Variants in NTRK1 observed in about 807,000 individuals in gnomAD.
NTRK1 encodes high affinity nerve growth factor receptor.
Under a neutral mutation model 86.8 loss-of-function variants are expected in NTRK1, and 62 were observed. That is an observed-to-expected ratio of 0.71 (90% CI 0.58 to 0.88). The LOEUF (loss-of-function observed/expected upper bound fraction) is 0.88. NTRK1 is among the 40% of genes least tolerant of loss of function. NTRK1 has a pLI of 0.00. For missense variants in NTRK1, 967 were observed against 1,078.4 expected, an observed-to-expected ratio of 0.90 and a Z score of 1.45; for synonymous variants, 469 against 456.6, an observed-to-expected ratio of 1.03 and a Z score of -0.35.
chr1:156,822,910 T>G (rs1202015059), intron 1 of NTRK1, among the ~76,000 whole-genome samples: 1 of 152,310 alleles, frequency 6.6e-6, no homozygotes, highest in East Asian at 1.9e-4. Flanking sequence ...CCTCCCTGAC[T>G]CATGGTGTGG....
intron 2 of NTRK1, among the ~76,000 whole-genome samples, chr1:156,852,951 G>A (rs1655277797): frequency 6.6e-6 from 1 of 152,018 alleles, no homozygotes; most frequent in African/African-American, 2.4e-5. Flanking sequence ...CAGGAGCTGA[G>A]TGGAAAAGAC....
At position 156,852,151 on chromosome 1, in the gene NTRK1, G is replaced by T. The variant is rs376798720; in HGVS notation, c.50+9958G>T. 5 of 1,609,798 alleles carry T rather than the reference G, an allele frequency of 3.1e-6. No individual in the cohort carries two copies. In the African/African-American group the frequency reaches 4.0e-5, roughly 13 times the overall value. ...CCAGGCATTCGGTGTGGCAGCACTC[G>T]CCCCTCGCTGTGCAAGCCATCCCAT... On this transcript the variant is annotated intron_variant, in intron 2 of 16. Coordinates refer to the NTRK1 transcript ENST00000392302.
intron 1 of NTRK1, among the ~76,000 whole-genome samples, chr1:156,819,695 T>G (rs1302827495): frequency 1.3e-5 from 2 of 151,616 alleles, no homozygotes; most frequent in Non-Finnish European, 2.9e-5. Context: ...AATTTTGTAT[T>G]TTTAGTAGAG....
chr1:156,845,033 G>C (rs777245434), intron 2 of NTRK1: 1 of 1,570,062 alleles, frequency 6.4e-7, no homozygotes, highest in Admixed American at 1.8e-5. Flanking sequence ...AGGGTCCTTG[G>C]GGTCGGTGAT....
At chr1:156,845,763 C>G in intron 2 of NTRK1, 1 of 1,613,412 alleles carries the variant, frequency 6.2e-7, no homozygotes, top group Non-Finnish European at 8.5e-7. Context: ...CTCAGGATCC[C>G]CGTCTTCGCC....
intron 1 of NTRK1, among the ~76,000 whole-genome samples, chr1:156,817,864 A>G (rs187507256): frequency 6.6e-6 from 1 of 152,206 alleles, no homozygotes; most frequent in East Asian, 1.9e-4. Flanking sequence ...GCTGGTCTTG[A>G]ACTCCTGGCG....
chr1:156,850,936 C>A (rs1316117549), intron 2 of NTRK1, among the ~76,000 whole-genome samples: 1 of 152,178 alleles, frequency 6.6e-6, no homozygotes, highest in Non-Finnish European at 1.5e-5. Context: ...GTTTCAAACC[C>A]AGGCAGTCTT....
chr1:156,863,785 G>A (rs1655795180), intron 1 of NTRK1, among the ~76,000 whole-genome samples: 2 of 152,184 alleles, frequency 1.3e-5, no homozygotes, highest in South Asian at 4.1e-4. Flanking sequence ...TCTGTGCTGG[G>A]TGGGGCAGTG....
chr1:156,841,267 G>A, intron 1 of NTRK1: 1 of 1,035,188 alleles, frequency 9.7e-7, no homozygotes, highest in South Asian at 1.4e-5. Context: ...GGATAGGGGG[G>A]TGGCGCTCAT....
At chr1:156,837,690 T>C (rs56761935) in intron 1 of NTRK1, 24,288 of 152,156 alleles carry the variant, frequency 0.16, 2,684 homozygotes, top group African/African-American at 0.31. Flanking sequence ...TCACTGTGGG[T>C]TGGTGGTCAC....
In NTRK1 at chr1:156,876,366, C is replaced by T. The variant is rs372332257; in HGVS notation, c.1633-34C>T. ...GTGAACAGCAGTGAGGGCTCGGCCC[C>T]CAACTCAGTCCTGTCCCTGCCGCTT... is the stretch of plus-strand genomic sequence containing the variant. On this transcript the variant is annotated intron_variant, in intron 13 of 16. Coordinates refer to ENST00000524377, the MANE Select transcript of NTRK1 (RefSeq NM_002529.4). The T allele has an allele frequency of 3.3e-4, 537 of 1,613,044 alleles. 1 individual carries two copies. The highest frequency in any genetic ancestry group is 3.8e-4 in the Non-Finnish European group (454 of 1,179,892).
intron 2 of NTRK1, 74 bp from the exon 3 acceptor site, chr1:156,864,654 T>C: frequency 1.3e-6 from 2 of 1,518,190 alleles, no homozygotes; most frequent in Non-Finnish European, 1.8e-6. Context: ...ACTGGGAGGC[T>C]GGGATGGGCA....
intron 1 of NTRK1, among the ~76,000 whole-genome samples, chr1:156,836,723 CTTCACAGGGCTGAATGAGGAGCATAT>C (rs879258873): frequency 0.06 from 9,121 of 151,244 alleles, 345 homozygotes; most frequent in African/African-American, 0.08. Context: ...GATGTGCTGC[CTTCACAGGGCTGAATGAGGAGCATAT>C]TTCACAGGAC....
At chr1:156,816,046 T>C (rs949631277) in intron 1 of NTRK1, 2 of 1,613,954 alleles carry the variant, frequency 1.2e-6, no homozygotes, top group Non-Finnish European at 1.7e-6. Flanking sequence ...GCGGGTCATG[T>C]CTGTGATCTG....
intron 16 of NTRK1, 55 bp downstream of exon 16, chr1:156,880,212 A>G (rs2102928198): frequency 1.3e-5 from 21 of 1,596,596 alleles, no homozygotes; most frequent in Non-Finnish European, 1.6e-5. Context: ...ATGCCCCTTC[A>G]GGTTCCTTTT....
chr1:156,849,494 A>AGGGGGGG, intron 2 of NTRK1: 1 of 255,032 alleles, frequency 3.9e-6, no homozygotes, highest in Non-Finnish European at 7.4e-6. Context: ...CTCTGCGGGG[A>AGGGGGGG]GGTGGGGGCA....
At chr1:156,879,746 A>G (rs1222603455) in intron 15 of NTRK1, among the ~76,000 whole-genome samples, 1 of 152,026 alleles carries the variant, frequency 6.6e-6, no homozygotes, top group Non-Finnish European at 1.5e-5. Flanking sequence ...AGTAGCTGGG[A>G]TTACAGGCCA....
At chr1:156,829,556 C>T (rs1654411114) in intron 1 of NTRK1, among the ~76,000 whole-genome samples, 1 of 152,114 alleles carries the variant, frequency 6.6e-6, no homozygotes, top group Admixed American at 6.5e-5. Flanking sequence ...GATAGACTGT[C>T]TCTCGTTGGG....
At chr1:156,851,816 C>T in intron 2 of NTRK1, 3 of 1,594,814 alleles carry the variant, frequency 1.9e-6, no homozygotes, top group Non-Finnish European at 2.6e-6. Context: ...ATGTCCTGAG[C>T]CTTGGACCAG....
Sources: allele counts gnomAD v4.1 joint callset (sites outside exome capture counted in the v4.1 genomes callset), GRCh38; gene constraint gnomAD v4.1.1; transcripts MANE v1.5; gene names NCBI Gene and HGNC (gene_info 2026-07-23, HGNC 2026-07-21).